The following UQCC2 variants were observed in gnomAD, a reference collection of about 807,000 sequenced individuals.
The protein encoded by UQCC2 is ubiquinol-cytochrome c reductase complex assembly factor 2.
UQCC2 carries 21 observed loss-of-function variants against 19.9 expected under a neutral mutation model. The observed-to-expected ratio is 1.05, with a 90% CI of 0.75 to 1.52. The LOEUF is 1.52. Ranked by LOEUF, UQCC2 falls within the 40% of genes most tolerant of loss-of-function variation. The pLI, the probability that UQCC2 is intolerant of heterozygous loss-of-function variation, is 0.00. For synonymous variants in UQCC2, 57 were observed against 60.9 expected (o/e 0.94, Z 0.30); for missense variants, 135 against 157.5 (o/e 0.86, Z 0.76).
In UQCC2 at chr6:33,697,908, CAGGTAACAG is replaced by C. The variant is rs1765586356; in HGVS notation, c.284-167_284-159del. The stretch of plus-strand genomic sequence containing the variant: ...CCCAGCTCCTGAAGAGCAGATCAAA[CAGGTAACAG>C]AAGTGACCGCTTGCGGGGACTGAGC... On this transcript the variant is annotated intron_variant, in intron 3 of 3. Transcript: ENST00000607484. 3.5e-5 allele frequency: 22 copies of C among 625,466 alleles called. No homozygotes were observed. In the South Asian group the frequency reaches 4.3e-4, roughly 12 times the overall value. The allele number at this position is 625,466 out of a possible 1,614,324, so 38.7% of individuals were successfully genotyped here. A position where few individuals can be genotyped will look rare whatever the true frequency, so the allele number is the denominator to read the frequency against.
chr6:33,705,635 G>A (rs1268231309), intron 1 of UQCC2, among the ~76,000 whole-genome samples: 1 of 152,090 alleles, frequency 6.6e-6, no homozygotes, highest in African/African-American at 2.4e-5. Flanking sequence ...AATTAAAAAA[G>A]TCATGCTTAC....
At chr6:33,707,552 C>T (rs1024266754) in intron 1 of UQCC2, among the ~76,000 whole-genome samples, 1 of 152,222 alleles carries the variant, frequency 6.6e-6, no homozygotes, top group Non-Finnish European at 1.5e-5. Flanking sequence ...TCAAACTGGG[C>T]CAATATTATT....
intron 1 of UQCC2, among the ~76,000 whole-genome samples, chr6:33,708,699 G>A (rs1372072458): frequency 6.6e-6 from 1 of 152,194 alleles, no homozygotes; most frequent in Non-Finnish European, 1.5e-5. Context: ...ACCTCCTGCT[G>A]CCAGTTTAAT....
At chr6:33,709,709 C>T (rs1057386603) in intron 1 of UQCC2, among the ~76,000 whole-genome samples, 1 of 152,094 alleles carries the variant, frequency 6.6e-6, no homozygotes, top group Non-Finnish European at 1.5e-5. Flanking sequence ...AATGATGCCA[C>T]TGGGCGTGCT....
At chr6:33,701,806 G>A (rs563377847) in intron 1 of UQCC2, among the ~76,000 whole-genome samples, 29 of 151,774 alleles carry the variant, frequency 1.9e-4, no homozygotes, top group Non-Finnish European at 3.8e-4. Flanking sequence ...GGGACTCAGT[G>A]GGGGAGTCCC....
intron 1 of UQCC2, among the ~76,000 whole-genome samples, chr6:33,709,167 G>A (rs1373007395): frequency 6.6e-6 from 1 of 152,228 alleles, no homozygotes; most frequent in Non-Finnish European, 1.5e-5. Flanking sequence ...TGGAGCCGCT[G>A]ACTGCTCAAC....
At chr6:33,711,076 A>C (rs985247330) in intron 1 of UQCC2, among the ~76,000 whole-genome samples, 2 of 152,206 alleles carry the variant, frequency 1.3e-5, no homozygotes, top group Non-Finnish European at 2.9e-5. Flanking sequence ...ACCAGCTGCC[A>C]CTGGTGGTGT....
chr6:33,709,647 TA>T (rs1349599047), intron 1 of UQCC2, among the ~76,000 whole-genome samples: 1 of 152,130 alleles, frequency 6.6e-6, no homozygotes, highest in Non-Finnish European at 1.5e-5. Context: ...GGGTATCGTA[TA>T]ACCTGGGCCA....
rs1386978655 is a variant in UQCC2, at chr6:33,711,563, C to T, written c.124G>A (p.Gly42Arg). ...RQRVAQAFRE[G>R]ENTQVAEPEA... The stretch of plus-strand genomic sequence containing the variant: ...CCGCCGGTCACCTGGGTATTCTCTC[C>T]CTCCCGAAAGGCCTGTGCTACCCGC... Residue 42 changes from glycine (G) to arginine (R), a missense_variant, in exon 1 of 4, where the codon GGA (glycine) becomes AGA (arginine). Physicochemically the swap from Gly to Arg is moderately radical, Grantham distance 125. Transcript: ENST00000607484. 5.0e-6 allele frequency: 8 copies of T among 1,609,218 alleles called. No homozygotes were observed. Among genetic ancestry groups the T allele is most frequent in the South Asian group, 4.4e-5 (4 of 90,556 alleles).
chr6:33,697,873 AAG>A, intron 3 of UQCC2, 123 bp from the exon 4 acceptor site: 1 of 737,810 alleles, frequency 1.4e-6, no homozygotes, highest in Non-Finnish European at 2.2e-6. Flanking sequence ...GTTCCTGAAA[AAG>A]GTGGAGACCC....
chr6:33,702,245 C>A (rs948976636), intron 1 of UQCC2, among the ~76,000 whole-genome samples: 2 of 151,826 alleles, frequency 1.3e-5, no homozygotes, highest in East Asian at 3.9e-4. Flanking sequence ...TGACCTCAAG[C>A]GATCCACCTG....
intron 1 of UQCC2, among the ~76,000 whole-genome samples, chr6:33,705,633 A>T (rs1040524937): frequency 6.6e-6 from 1 of 152,116 alleles, no homozygotes; most frequent in Non-Finnish European, 1.5e-5. Context: ...GCAATTAAAA[A>T]AGTCATGCTT....
At chr6:33,704,937 G>C (rs1765681699) in intron 1 of UQCC2, among the ~76,000 whole-genome samples, 1 of 152,168 alleles carries the variant, frequency 6.6e-6, no homozygotes, top group Non-Finnish European at 1.5e-5. Flanking sequence ...GAGGGGCATG[G>C]GGGGCGGGTC....
chr6:33,703,558 GT>G (rs1765664767), intron 1 of UQCC2, among the ~76,000 whole-genome samples: 1 of 151,896 alleles, frequency 6.6e-6, no homozygotes, highest in Non-Finnish European at 1.5e-5. Context: ...AACTGCCTGG[GT>G]TGACTCCTGG....
chr6:33,703,951 G>A (rs1765668785), intron 1 of UQCC2, among the ~76,000 whole-genome samples: 1 of 152,080 alleles, frequency 6.6e-6, no homozygotes, highest in Admixed American at 6.6e-5. Flanking sequence ...CCTTTAATCC[G>A]GGACCGTTCC....
chr6:33,697,547 G>A lies in UQCC2; in HGVS notation c.*106C>T. 6 of 810,226 alleles carry A rather than the reference G, an allele frequency of 7.4e-6. No homozygotes were observed. The Middle Eastern group carries it at 1.1e-3, about 154-fold the overall frequency. 50.2% of individuals were successfully genotyped at this position (810,226 alleles called of 1,614,324 possible). A position where few individuals can be genotyped will look rare whatever the true frequency, so the allele number is the denominator to read the frequency against. The stretch of plus-strand genomic sequence containing the variant: ...GGGCTTCCTTTCTGGGAAAGCTAGA[G>A]GAGATTCCCAAACCGTAAGGTCAAG... On this transcript the variant is annotated 3_prime_UTR_variant, in exon 4 of 4. Transcript: ENST00000607484.
Position 33,697,500 on chromosome 6 carries a change from G to A in UQCC2, c.*153C>T. ...CTCAATCACCATCCCTTCTCAGGCT[G>A]AAACTTTCTTTAGAGCAGCAAGGGC... is the stretch of plus-strand genomic sequence containing the variant. On this transcript the variant is annotated 3_prime_UTR_variant, in exon 4 of 4. Coordinates refer to ENST00000607484, the MANE Select transcript of UQCC2 (RefSeq NM_032340.4). The A allele has an allele frequency of 1.6e-6, 1 of 607,526 alleles. No homozygotes were observed. The highest frequency in any genetic ancestry group is 2.2e-5 in the South Asian group (1 of 46,198). The allele number at this position is 607,526 out of a possible 1,614,324, so 37.6% of individuals were successfully genotyped here.
intron 1 of UQCC2, among the ~76,000 whole-genome samples, chr6:33,710,369 T>A (rs1190524846): frequency 6.6e-6 from 1 of 152,212 alleles, no homozygotes; most frequent in African/African-American, 2.4e-5. Context: ...GGCCTTATAA[T>A]GAGGTCTAAA....
chr6:33,706,271 T>C (rs978120260), intron 1 of UQCC2, among the ~76,000 whole-genome samples: 12 of 152,250 alleles, frequency 7.9e-5, no homozygotes, highest in Non-Finnish European at 1.8e-4. Flanking sequence ...GACTTGGTAA[T>C]GAACTTCTGA....
Sources: gnomAD v4.1 joint callset for allele counts (sites outside exome capture counted in the v4.1 genomes callset) on GRCh38, gnomAD v4.1.1 for gene constraint, MANE v1.5 for transcripts, NCBI Gene and HGNC (gene_info 2026-07-23, HGNC 2026-07-21) for gene names.